The following CNST variants were observed in gnomAD, a reference collection of about 807,000 sequenced individuals.
CNST encodes consortin, connexin sorting protein, also known as consortin.
A neutral mutation model predicts 72.4 loss-of-function variants in CNST; 39 were observed. The observed-to-expected ratio is 0.54, with a 90% confidence interval of 0.42 to 0.70. The LOEUF is 0.70. Ranked by LOEUF, CNST falls within the 30% of genes least tolerant of loss-of-function variation. The pLI is 0.00. For synonymous variants in CNST, 332 were observed against 320.1 expected (o/e 1.04, Z -0.40); for missense variants, 871 against 868.5 (o/e 1.00, Z -0.04).
rs115813022 is a variant in CNST, at chr1:246,595,164, G to A, written c.379+3223G>A. ...GCAGGGCACAGGTGTTTGAGATGGG[G>A]GACCCTTAATTTTAAACTGAATAGG... On this transcript the variant is annotated intron_variant, in intron 2 of 10. Coordinates refer to ENST00000366513, the MANE Select transcript of CNST (RefSeq NM_152609.3). Among the ~76,000 whole-genome samples the A allele has an allele frequency of 3.5e-3, 537 of 152,206 alleles. 3 individuals carry two copies. Among genetic ancestry groups the A allele is most frequent in the African/African-American group, 0.012 (514 of 41,520 alleles).
At chr1:246,577,359 T>C (rs780031704) in intron 1 of CNST, among the ~76,000 whole-genome samples, 2 of 152,044 alleles carry the variant, frequency 1.3e-5, no homozygotes, top group Non-Finnish European at 2.9e-5. Context: ...TCCGGTTCTC[T>C]TTCTAGACCC....
At chr1:246,664,327 G>A (rs773015057) in intron 10 of CNST, among the ~76,000 whole-genome samples, 3 of 152,204 alleles carry the variant, frequency 2.0e-5, no homozygotes, top group Non-Finnish European at 4.4e-5. Context: ...CTTAAAGGTG[G>A]ATTTGCTGGG....
intron 2 of CNST, among the ~76,000 whole-genome samples, chr1:246,609,565 G>A (rs961065288): frequency 6.6e-6 from 1 of 152,008 alleles, no homozygotes; most frequent in Non-Finnish European, 1.5e-5. Context: ...CAACAAGAAC[G>A]GAACTCTGTC....
At chr1:246,633,448 CAAA>C (rs796468053) in intron 4 of CNST, among the ~76,000 whole-genome samples, 1 of 108,244 alleles carries the variant, frequency 9.2e-6, no homozygotes, top group Non-Finnish European at 1.9e-5. Flanking sequence ...GACTGTGTCT[CAAA>C]AAAAAAAAAA....
chr1:246,593,028 A>T (rs1024136159), intron 2 of CNST, among the ~76,000 whole-genome samples: 15 of 152,076 alleles, frequency 9.9e-5, no homozygotes, highest in Non-Finnish European at 1.5e-4. Context: ...TTTACATCAG[A>T]CTCTAGTGAA....
At chr1:246,659,556 C>T (rs913408906) in intron 9 of CNST, among the ~76,000 whole-genome samples, 6 of 151,494 alleles carry the variant, frequency 4.0e-5, no homozygotes, top group Non-Finnish European at 7.4e-5. Context: ...GATCGCGCCA[C>T]TGCACTCCAG....
At chr1:246,621,310 C>A in intron 2 of CNST, 119 bp from the exon 3 acceptor site, 2 of 731,082 alleles carry the variant, frequency 2.7e-6, no homozygotes, top group Non-Finnish European at 4.8e-6. Flanking sequence ...ATTTACCTTC[C>A]TGTTCAGGTC....
chr1:246,658,315 G>T (rs1666879435), intron 9 of CNST, among the ~76,000 whole-genome samples: 1 of 152,100 alleles, frequency 6.6e-6, no homozygotes, highest in South Asian at 2.1e-4. Flanking sequence ...TGTTTTCTCT[G>T]TTGTGTGAGG....
At chr1:246,646,637 C>A (rs1262019303) in intron 8 of CNST, among the ~76,000 whole-genome samples, 1 of 152,026 alleles carries the variant, frequency 6.6e-6, no homozygotes, top group Non-Finnish European at 1.5e-5. Flanking sequence ...TGTGCCACCA[C>A]GCCCAGCTAA....
chr1:246,576,368 T>C (rs1406909131), intron 1 of CNST, among the ~76,000 whole-genome samples: 1 of 144,788 alleles, frequency 6.9e-6, no homozygotes, highest in Non-Finnish European at 1.5e-5. Context: ...CTTTAATTTT[T>C]ACAGAGCAGC....
chr1:246,625,414 CTTTTTTTTT>C (rs61588900), intron 3 of CNST, among the ~76,000 whole-genome samples: 4 of 56,106 alleles, frequency 7.1e-5, no homozygotes, highest in Admixed American at 2.9e-4. Context: ...TTATTTCTTT[CTTTTTTTTT>C]TTTTTTTTTT....
At chr1:246,639,253 T>G (rs1340772675) in intron 6 of CNST, among the ~76,000 whole-genome samples, 2 of 152,108 alleles carry the variant, frequency 1.3e-5, no homozygotes, top group Non-Finnish European at 2.9e-5. Context: ...GATGAGAGCC[T>G]TCTGGACCAG....
rs1432330254 is a variant in CNST, at chr1:246,647,167, A to C, written c.966A>C (p.Ser322=). Reference sequence around the variant, plus strand: ...GTAAAACTTGTCTCGGCACAGAGTCAAGTAAAGAAAGCCAACATACAGTGG... The same window carrying C: ...GTAAAACTTGTCTCGGCACAGAGTCCAGTAAAGAAAGCCAACATACAGTGG... ...SESKTCLGTE[S]SKESQHTVEP... is the part of the protein sequence containing the mutation. Residue 322 remains serine (S), a synonymous_variant, in exon 9 of 11, where the codon TCA becomes TCC. Coordinates refer to ENST00000366513, the MANE Select transcript of CNST (RefSeq NM_152609.3). 1.2e-6 allele frequency: 2 copies of C among 1,613,558 alleles called. No individual in the cohort carries two copies. Among genetic ancestry groups the C allele is most frequent in the South Asian group, 2.2e-5 (2 of 91,058 alleles).
At chr1:246,637,005 G>A (rs1011229374) in intron 6 of CNST, among the ~76,000 whole-genome samples, 2 of 152,190 alleles carry the variant, frequency 1.3e-5, no homozygotes, top group African/African-American at 2.4e-5. Context: ...ACTTTTGGTT[G>A]GAAGTGAGGC....
rs371046651 is a variant in CNST, at chr1:246,603,650, ATGG to A, written c.379+11712_379+11714del. ...ATGAAAATAAATAAAATCCTAATAC[ATGG>A]TGTAACATGGATGAATCTTGAAAAG... On this transcript the variant is annotated intron_variant, in intron 2 of 10. Coordinates refer to ENST00000366513, the MANE Select transcript of CNST (RefSeq NM_152609.3). Among the ~76,000 whole-genome samples, 82 of 152,344 alleles carry A rather than the reference ATGG, an allele frequency of 5.4e-4. 1 individual carries two copies. The East Asian group carries it at 0.015, about 27-fold the overall frequency.
chr1:246,634,628 AT>A (rs771692879), intron 6 of CNST, 41 bp downstream of exon 6: 2 of 1,062,706 alleles, frequency 1.9e-6, no homozygotes, highest in South Asian at 1.4e-5. Flanking sequence ...TTGGAGTAGA[AT>A]ATTGAAGAAG....
At chr1:246,603,529 C>G (rs1328811691) in intron 2 of CNST, among the ~76,000 whole-genome samples, 1 of 152,080 alleles carries the variant, frequency 6.6e-6, no homozygotes. Context: ...TTATATGCGC[C>G]TGCCGCTTAG....
chr1:246,662,271 T>C (rs1415724761), intron 10 of CNST, among the ~76,000 whole-genome samples: 1 of 152,246 alleles, frequency 6.6e-6, no homozygotes, highest in African/African-American at 2.4e-5. Flanking sequence ...GGGCCTGTTC[T>C]TCCTTCTGTA....
At chr1:246,570,216 A>G (rs1238135652) in intron 1 of CNST, among the ~76,000 whole-genome samples, 1 of 152,226 alleles carries the variant, frequency 6.6e-6, no homozygotes, top group South Asian at 2.1e-4. Flanking sequence ...TACTGTCTCC[A>G]TACGTGCTTC....
Sources: allele counts gnomAD v4.1 joint callset (sites outside exome capture counted in the v4.1 genomes callset), GRCh38; gene constraint gnomAD v4.1.1; transcripts MANE v1.5; gene names NCBI Gene and HGNC (gene_info 2026-07-23, HGNC 2026-07-21).